The following CDH12 variants were observed in gnomAD, a reference collection of about 807,000 sequenced individuals.
CDH12 encodes cadherin-12.
CDH12 carries 41 observed loss-of-function variants against 74.1 expected under a neutral mutation model. That is an observed-to-expected ratio of 0.55 (90% CI 0.43 to 0.72). CDH12 has a LOEUF of 0.72. Among genes scored for constraint, CDH12 ranks in the 30% least tolerant of loss-of-function variants. The pLI is 0.00. For synonymous variants in CDH12, 399 were observed against 355.0 expected (o/e 1.12, Z -1.39); for missense variants, 945 against 977.2 (o/e 0.97, Z 0.44).
At chr5:22,305,172 A>C (rs186412903) in intron 3 of CDH12, among the ~76,000 whole-genome samples, 169 of 152,256 alleles carry the variant, frequency 1.1e-3, no homozygotes, top group Middle Eastern at 6.8e-3. Flanking sequence ...AATTTCCTCT[A>C]ATTCTTTATT....
At chr5:22,637,392 A>T (rs1738897968) in intron 1 of CDH12, among the ~76,000 whole-genome samples, 1 of 152,226 alleles carries the variant, frequency 6.6e-6, no homozygotes, top group Non-Finnish European at 1.5e-5. Flanking sequence ...CAGCAGCTAC[A>T]AGGTAACCCT....
intron 1 of CDH12, among the ~76,000 whole-genome samples, chr5:22,822,424 C>T (rs1441073917): frequency 6.6e-6 from 1 of 152,002 alleles, no homozygotes; most frequent in Non-Finnish European, 1.5e-5. Flanking sequence ...GCAAAAGAAA[C>T]TACCATCAGA....
intron 2 of CDH12, among the ~76,000 whole-genome samples, chr5:22,482,732 TACTC>T (rs1404950224): frequency 6.6e-6 from 1 of 152,192 alleles, no homozygotes; most frequent in Non-Finnish European, 1.5e-5. Context: ...TTCTCTGTTT[TACTC>T]ACTATCGTAT....
chr5:22,748,706 A>T (rs1478537080), intron 1 of CDH12, among the ~76,000 whole-genome samples: 1 of 152,188 alleles, frequency 6.6e-6, no homozygotes, highest in Non-Finnish European at 1.5e-5. Context: ...AAATATTAGT[A>T]GAGACTGTAG....
At position 22,068,297 on chromosome 5, in the gene CDH12, G is replaced by A. The variant is rs1741704577; in HGVS notation, c.231+10149C>T. 1.3e-5 allele frequency among the ~76,000 whole-genome samples: 2 copies of A among 152,100 alleles called. 1 individual carries two copies. The highest frequency in any genetic ancestry group is 4.1e-4 in the South Asian group (2 of 4,820). ...TTCTCTTTCCAAGCCTGTACCTATG[G>A]CCTCATCACGTGCTCCCTATCAGCT... On this transcript the variant is annotated intron_variant, in intron 5 of 14. Transcript: ENST00000382254.
intron 6 of CDH12, among the ~76,000 whole-genome samples, chr5:21,908,543 C>CT (rs1753737143): frequency 6.6e-6 from 1 of 152,128 alleles, no homozygotes; most frequent in South Asian, 2.1e-4. Context: ...TCTCCAAGGC[C>CT]TTTACAGACA....
intron 4 of CDH12, among the ~76,000 whole-genome samples, chr5:22,097,766 G>A (rs996749561): frequency 1.3e-5 from 2 of 151,810 alleles, no homozygotes; most frequent in African/African-American, 4.8e-5. Flanking sequence ...CTTAGCGACC[G>A]ATCATGTACC....
chr5:22,292,726 T>A (rs1412269831), intron 3 of CDH12, among the ~76,000 whole-genome samples: 1 of 152,154 alleles, frequency 6.6e-6, no homozygotes. Context: ...CTGTGGCTAT[T>A]ATCAAAAAGA....
chr5:22,769,940 T>C, intron 1 of CDH12, among the ~76,000 whole-genome samples: 1 of 151,998 alleles, frequency 6.6e-6, no homozygotes, highest in East Asian at 1.9e-4. Flanking sequence ...TTTCCTTAAA[T>C]AGACAAGATA....
intron 3 of CDH12, among the ~76,000 whole-genome samples, chr5:22,377,357 C>T (rs1405858326): frequency 6.6e-6 from 1 of 152,136 alleles, no homozygotes; most frequent in Admixed American, 6.6e-5. Flanking sequence ...ACTAGCTCAA[C>T]AAGGTCGCCA....
At chr5:22,117,357 T>C (rs1435318415) in intron 4 of CDH12, among the ~76,000 whole-genome samples, 1 of 144,546 alleles carries the variant, frequency 6.9e-6, no homozygotes, top group East Asian at 2.0e-4. Flanking sequence ...TATGAGAGCA[T>C]AAAATCAAGT....
At position 22,548,448 on chromosome 5, in the gene CDH12, A is replaced by G. The variant is rs190675713; in HGVS notation, c.-522-43084T>C. Among the ~76,000 whole-genome samples the G allele has an allele frequency of 2.3e-3, 352 of 152,058 alleles. 1 individual carries two copies. The highest frequency in any genetic ancestry group is 5.9e-3 in the Admixed American group (89 of 15,190). The stretch of plus-strand genomic sequence containing the variant: ...GAAATACAATAAAAACAGCATATCC[A>G]GTGCTTCCCAGATTTAAAACCCCTA... On this transcript the variant is annotated intron_variant, in intron 1 of 14. Transcript: ENST00000382254.
chr5:21,832,861 TATC>T (rs1215656375), intron 8 of CDH12, among the ~76,000 whole-genome samples: 1 of 29,228 alleles, frequency 3.4e-5, no homozygotes, highest in African/African-American at 1.9e-4. Flanking sequence ...ATATGATATA[TATC>T]ATATGATATA....
chr5:22,375,229 G>C (rs1034882646), intron 3 of CDH12, among the ~76,000 whole-genome samples: 35 of 152,080 alleles, frequency 2.3e-4, no homozygotes, highest in African/African-American at 7.7e-4. Flanking sequence ...AATGGTATTG[G>C]GAATTACCCA....
intron 1 of CDH12, among the ~76,000 whole-genome samples, chr5:22,739,836 C>A (rs1304320365): frequency 1.3e-5 from 2 of 152,040 alleles, no homozygotes; most frequent in Non-Finnish European, 2.9e-5. Flanking sequence ...AGAATCTAAA[C>A]CTGATTCCAA....
chr5:21,795,262 A>G (rs995665210), intron 10 of CDH12, among the ~76,000 whole-genome samples: 1 of 151,790 alleles, frequency 6.6e-6, no homozygotes, highest in African/African-American at 2.4e-5. Context: ...GACAATTGTG[A>G]TCCAACATTT....
At chr5:22,211,371 T>C (rs1165031580) in intron 4 of CDH12, among the ~76,000 whole-genome samples, 2 of 152,210 alleles carry the variant, frequency 1.3e-5, no homozygotes, top group Non-Finnish European at 2.9e-5. Flanking sequence ...ATTTCATTAT[T>C]TGAAAACTTT....
rs188913529 is a variant in CDH12, at chr5:22,144,119, C to A, written c.-186-65257G>T. 503 of 152,284 alleles carry A rather than the reference C, an allele frequency of 3.3e-3. 2 individuals carry two copies. Among genetic ancestry groups the A allele is most frequent in the African/African-American group, 0.011 (471 of 41,574 alleles). 9.4% of individuals were successfully genotyped at this position (152,284 alleles called of 1,614,324 possible). ...CAAAACATAAATCTGTGATTGTGAT[C>A]TCTGAAAGTCAGTCCTTTTATCTAC... is the stretch of plus-strand genomic sequence containing the variant. On this transcript the variant is annotated intron_variant, in intron 4 of 14. Transcript: ENST00000382254.
At chr5:22,820,914 T>A (rs984261336) in intron 1 of CDH12, among the ~76,000 whole-genome samples, 5 of 152,252 alleles carry the variant, frequency 3.3e-5, no homozygotes, top group Middle Eastern at 6.8e-3. Context: ...TACCAAAGCC[T>A]GGCAGAGACA....
Sources: gnomAD v4.1 joint callset for allele counts (sites outside exome capture counted in the v4.1 genomes callset) on GRCh38, gnomAD v4.1.1 for gene constraint, MANE v1.5 for transcripts, NCBI Gene and HGNC (gene_info 2026-07-23, HGNC 2026-07-21) for gene names.